Variants in HPSE2 observed in about 807,000 individuals in gnomAD.
HPSE2 encodes heparanase 2 (inactive).
Under a neutral mutation model 60.5 loss-of-function variants are expected in HPSE2, and 38 were observed. That is an observed-to-expected ratio of 0.63 (90% CI 0.48 to 0.82). The LOEUF is 0.82. Ranked by LOEUF, HPSE2 falls within the 40% of genes least tolerant of loss-of-function variation. HPSE2 has a pLI of 0.00. For synonymous variants in HPSE2, 295 were observed against 293.2 expected (o/e 1.01, Z -0.06); for missense variants, 713 against 740.4 (o/e 0.96, Z 0.43).
rs58750714 is a variant in HPSE2, at chr10:98,603,439, G to GTTT, written c.1320+11462_1320+11464dup. Reference sequence around the variant, plus strand: ...ATACGCCAGAGCACTCTGTTTTTTTGTTTTTTTTTTTGACAGAGTCTTGCT... The same window carrying GTTT: ...ATACGCCAGAGCACTCTGTTTTTTTGTTTTTTTTTTTTTTGACAGAGTCTTGCT... On this transcript the variant is annotated intron_variant, in intron 9 of 11. Transcript: ENST00000370552. Among the ~76,000 whole-genome samples, 609 of 144,170 alleles carry GTTT rather than the reference G, an allele frequency of 4.2e-3. 6 individuals are homozygous for GTTT. The highest frequency in any genetic ancestry group is 8.7e-3 in the African/African-American group (346 of 39,680). The allele number at this position is 144,170 out of a possible 152,430, so 94.6% of individuals were successfully genotyped here.
At position 99,153,343 on chromosome 10, in the gene HPSE2, A is replaced by T. The variant is rs561080790; in HGVS notation, c.449-8944T>A. On this transcript the variant is annotated intron_variant, in intron 2 of 11. Transcript: ENST00000370552. ...GACAGCAGTAAACTCTGCAGACTTA[A>T]ATGTCCCTGTCTGACAGCTTTGAAG... 3.9e-4 allele frequency among the ~76,000 whole-genome samples: 59 copies of T among 152,326 alleles called. No homozygotes were observed. The South Asian group carries it at 0.012, about 32-fold the overall frequency.
chr10:98,834,129 T>C (rs780983755), intron 3 of HPSE2, among the ~76,000 whole-genome samples: 8 of 152,088 alleles, frequency 5.3e-5, no homozygotes, highest in Non-Finnish European at 1.0e-4. Flanking sequence ...ATTTCAGAGA[T>C]GCCAAATTGT....
At chr10:98,629,509 T>C (rs7913270) in intron 7 of HPSE2, among the ~76,000 whole-genome samples, 13,212 of 152,224 alleles carry the variant, frequency 0.087, 1,367 homozygotes, top group African/African-American at 0.24. Flanking sequence ...TTCTTTTGTG[T>C]TTTTTGACTC....
intron 3 of HPSE2, among the ~76,000 whole-genome samples, chr10:98,818,172 A>G (rs955247540): frequency 1.3e-5 from 2 of 152,196 alleles, no homozygotes; most frequent in African/African-American, 2.4e-5. Flanking sequence ...CTGTACATGT[A>G]TGCCCATCAG....
chr10:98,674,725 G>T (rs1486430304), intron 6 of HPSE2, among the ~76,000 whole-genome samples: 1 of 152,136 alleles, frequency 6.6e-6, no homozygotes, highest in Non-Finnish European at 1.5e-5. Context: ...GACCAGCCTG[G>T]CCAACATGGT....
At chr10:99,032,692 G>A (rs1479305928) in intron 3 of HPSE2, among the ~76,000 whole-genome samples, 1 of 152,146 alleles carries the variant, frequency 6.6e-6, no homozygotes, top group East Asian at 1.9e-4. Context: ...ATTTCAGTGG[G>A]CTAAAATCAA....
At chr10:99,190,476 G>T (rs2133858408) in intron 2 of HPSE2, among the ~76,000 whole-genome samples, 1 of 152,134 alleles carries the variant, frequency 6.6e-6, no homozygotes, top group Admixed American at 6.5e-5. Flanking sequence ...AAAAAACTAA[G>T]GCCTAGCAAC....
chr10:99,196,851 C>T (rs2133874253), intron 2 of HPSE2, among the ~76,000 whole-genome samples: 1 of 152,216 alleles, frequency 6.6e-6, no homozygotes, highest in South Asian at 2.1e-4. Context: ...CCATATTATC[C>T]AGCAATCCTA....
intron 3 of HPSE2, among the ~76,000 whole-genome samples, chr10:99,084,559 C>T (rs1045286087): frequency 5.9e-5 from 9 of 152,134 alleles, no homozygotes; most frequent in Non-Finnish European, 8.8e-5. Context: ...AACAACGCCA[C>T]AGTGAGTTTC....
chr10:98,960,537 G>C (rs1955626735), intron 3 of HPSE2, among the ~76,000 whole-genome samples: 1 of 151,846 alleles, frequency 6.6e-6, no homozygotes, highest in South Asian at 2.1e-4. Flanking sequence ...AAATGTGGGA[G>C]ATACTAATTA....
chr10:98,845,646 C>T (rs1169511490), intron 3 of HPSE2, among the ~76,000 whole-genome samples: 1 of 152,074 alleles, frequency 6.6e-6, no homozygotes, highest in Non-Finnish European at 1.5e-5. Flanking sequence ...TCTTAGTTCA[C>T]TTGTCTTGTT....
intron 3 of HPSE2, among the ~76,000 whole-genome samples, chr10:99,057,830 C>T (rs1405481354): frequency 2.0e-5 from 3 of 152,152 alleles, no homozygotes; most frequent in Admixed American, 6.5e-5. Flanking sequence ...TATCCTTTCC[C>T]GCCCCTCTTC....
intron 3 of HPSE2, among the ~76,000 whole-genome samples, chr10:99,122,868 A>G (rs1199356733): frequency 6.6e-6 from 1 of 152,122 alleles, no homozygotes; most frequent in Non-Finnish European, 1.5e-5. Context: ...AAAATGAGAG[A>G]GTAGTTAATA....
the HPSE2 span, among the ~76,000 whole-genome samples, chr10:99,276,768 G>A: frequency 2.6e-5 from 4 of 151,828 alleles, no homozygotes; most frequent in Admixed American, 2.6e-4. Context: ...AAGCCACAGG[G>A]GTGCCATTTA....
chr10:99,228,891 G>T (rs188646172), intron 2 of HPSE2, among the ~76,000 whole-genome samples: 1 of 152,066 alleles, frequency 6.6e-6, no homozygotes, highest in East Asian at 1.9e-4. Context: ...AATCACATCG[G>T]GGCCAGGCAC....
chr10:99,125,422 T>G (rs1009489987), intron 3 of HPSE2, among the ~76,000 whole-genome samples: 10 of 152,164 alleles, frequency 6.6e-5, no homozygotes, highest in Non-Finnish European at 1.0e-4. Context: ...GACTATAATA[T>G]TAGGAAGCTG....
chr10:98,475,359 A>AC (rs1027746331), intron 11 of HPSE2, among the ~76,000 whole-genome samples: 4 of 151,168 alleles, frequency 2.6e-5, no homozygotes, highest in East Asian at 1.9e-4. Context: ...TGACCTTGTG[A>AC]CCCCCCGCCT....
At chr10:98,516,064 C>T (rs1942591571) in intron 9 of HPSE2, among the ~76,000 whole-genome samples, 1 of 152,180 alleles carries the variant, frequency 6.6e-6, no homozygotes, top group African/African-American at 2.4e-5. Flanking sequence ...ATGTGAATTG[C>T]CTGTTTACCT....
At chr10:99,033,967 C>T (rs924844546) in intron 3 of HPSE2, among the ~76,000 whole-genome samples, 17 of 152,092 alleles carry the variant, frequency 1.1e-4, no homozygotes, top group African/African-American at 3.9e-4. Flanking sequence ...ACTCTGCACT[C>T]CAAAGTAGAG....
Sources: gnomAD v4.1 joint callset for allele counts (sites outside exome capture counted in the v4.1 genomes callset) on GRCh38, gnomAD v4.1.1 for gene constraint, MANE v1.5 for transcripts, NCBI Gene and HGNC (gene_info 2026-07-23, HGNC 2026-07-21) for gene names.